ZMYM2: variants seen among roughly 807,000 people sequenced by gnomAD.
The protein encoded by ZMYM2 is zinc finger MYM-type protein 2.
In ZMYM2, 56 loss-of-function variants were observed where a neutral mutation model predicts 162.8. The observed-to-expected ratio is 0.34, with a 90% confidence interval of 0.28 to 0.43. The LOEUF (loss-of-function observed/expected upper bound fraction) is 0.43, where lower values mean the gene tolerates loss of function less well. Ranked by LOEUF, ZMYM2 falls within the 20% of genes least tolerant of loss-of-function variation. The pLI is 1.00. For synonymous variants in ZMYM2, 510 were observed against 541.6 expected, an observed-to-expected ratio of 0.94 and a Z score of 0.81; for missense variants, 1,275 against 1,621.8, an observed-to-expected ratio of 0.79 and a Z score of 3.67.
chr13:19,995,504 T>C (rs750387964), intron 3 of ZMYM2, among the ~76,000 whole-genome samples: 1 of 152,034 alleles, frequency 6.6e-6, no homozygotes, highest in Non-Finnish European at 1.5e-5. Flanking sequence ...TCTGCCTCCC[T>C]AGTAGCTGGA....
At chr13:20,062,689 GATAGTTAT>G (rs1956318783) in intron 17 of ZMYM2, among the ~76,000 whole-genome samples, 149 bp from the exon 18 acceptor site, 1 of 152,136 alleles carries the variant, frequency 6.6e-6, no homozygotes, top group Non-Finnish European at 1.5e-5. Flanking sequence ...TACATTTTGA[GATAGTTAT>G]ATATATAATA....
chr13:20,026,771 C>T lies in ZMYM2; in HGVS notation c.1735+9C>T, dbSNP rs779111064. The T allele has an allele frequency of 1.6e-5, 26 of 1,587,886 alleles. No homozygotes were observed. The African/African-American group carries it at 3.4e-4, about 21-fold the overall frequency. On this transcript the variant is annotated intron_variant, in intron 8 of 24. Coordinates refer to ENST00000610343, the MANE Select transcript of ZMYM2 (RefSeq NM_197968.4). ...ATATGCAAAATCACAAAGTAAGTTT[C>T]ACATATTTGGACAGTTAAAAAAACT...
intron 12 of ZMYM2, among the ~76,000 whole-genome samples, chr13:20,043,980 T>C (rs1954525262): frequency 6.6e-6 from 1 of 152,068 alleles, no homozygotes. Flanking sequence ...GAGGCTGACC[T>C]GAAAGCAGGT....
At chr13:19,877,080 C>T in the ZMYM2 span, among the ~76,000 whole-genome samples, 15 of 152,094 alleles carry the variant, frequency 9.9e-5, no homozygotes, top group African/African-American at 2.2e-4. Flanking sequence ...GGCGCAGTGG[C>T]GGGCGCCTGT....
At chr13:19,925,269 G>A in the ZMYM2 span, among the ~76,000 whole-genome samples, 1 of 152,142 alleles carries the variant, frequency 6.6e-6, no homozygotes, top group Non-Finnish European at 1.5e-5. Flanking sequence ...TAGCTTTTTA[G>A]TAAATTCCCT....
chr13:20,014,952 A>T (rs531674084), intron 6 of ZMYM2, among the ~76,000 whole-genome samples: 1 of 151,954 alleles, frequency 6.6e-6, no homozygotes, highest in African/African-American at 2.4e-5. Context: ...TTTAGTAGAG[A>T]TGGGGTTTCA....
intron 6 of ZMYM2, among the ~76,000 whole-genome samples, chr13:20,015,610 A>G (rs976805458): frequency 6.6e-5 from 10 of 151,950 alleles, no homozygotes; most frequent in African/African-American, 2.4e-4. Flanking sequence ...GTTATTGTCT[A>G]TTTCTCCTTT....
At chr13:20,059,015 G>T in intron 15 of ZMYM2, 2 of 441,726 alleles carry the variant, frequency 4.5e-6, no homozygotes, top group Non-Finnish European at 8.4e-6. Flanking sequence ...TCATCTCTTT[G>T]CATGTGGTTT....
chr13:19,993,268 G>A lies in ZMYM2; in HGVS notation c.196G>A (p.Val66Ile), dbSNP rs1030532851. 1 of 1,613,856 alleles carries A rather than the reference G, an allele frequency of 6.2e-7. No homozygotes were observed. Among genetic ancestry groups the A allele is most frequent in the Non-Finnish European group, 8.5e-7 (1 of 1,179,876 alleles). The change falls in exon 3 of 25, where the codon GTA (valine) becomes ATA (isoleucine). Residue 66 changes from valine (V) to isoleucine (I), a missense_variant. Val to Ile is a conservative substitution (Grantham distance 29). Around this residue, in one of 10 missense-constraint regions of ZMYM2, gnomAD observed 295 missense variants for 286.7 expected, o/e 1.03. Transcript: ENST00000610343. The part of the protein sequence containing the change: ...DDDDVVFIEP[V>I]QPPPPSVPVV... Reference sequence around the variant, plus strand: ...TGATGATGTTGTTTTTATCGAACCTGTACAACCTCCCCCACCTTCTGTACC... The same window carrying A: ...TGATGATGTTGTTTTTATCGAACCTATACAACCTCCCCCACCTTCTGTACC...
chr13:20,003,613 G>T (rs553453348), intron 4 of ZMYM2, among the ~76,000 whole-genome samples: 1 of 150,632 alleles, frequency 6.6e-6, no homozygotes, highest in East Asian at 1.9e-4. Context: ...CTCTTCTACT[G>T]TTTTTTTCTT....
chr13:20,066,903 A>G lies in ZMYM2; in HGVS notation c.3185A>G (p.Asp1062Gly). ...SGYQSHDDSSDNSECSFPFKY... is the reference protein window; with the variant it reads ...SGYQSHDDSSGNSECSFPFKY... Reference sequence around the variant, plus strand: ...TACCAGTCTCATGATGATAGTTCTGACAATTCAGAATGCAGCTTTCCTTTC... The same window carrying G: ...TACCAGTCTCATGATGATAGTTCTGGCAATTCAGAATGCAGCTTTCCTTTC... The change falls in exon 20 of 25, where the codon GAC becomes GGC. Residue 1062 changes from aspartate to glycine, a missense_variant. This residue lies in a region of ZMYM2 where 229 missense variants were observed against 283.8 expected (regional missense o/e 0.81). Transcript: ENST00000610343. The G allele has an allele frequency of 6.2e-7, 1 of 1,613,192 alleles. No individual in the cohort carries two copies. Among genetic ancestry groups the G allele is most frequent in the South Asian group, 1.1e-5 (1 of 90,894 alleles).
chr13:20,056,965 A>G (rs1955844817), intron 14 of ZMYM2, among the ~76,000 whole-genome samples: 1 of 148,762 alleles, frequency 6.7e-6, no homozygotes. Context: ...TGACACTGTC[A>G]ACAAGGCACA....
At chr13:20,079,436 A>G (rs368509221) in intron 21 of ZMYM2, among the ~76,000 whole-genome samples, 8 of 146,396 alleles carry the variant, frequency 5.5e-5, no homozygotes, top group Admixed American at 6.9e-5. Flanking sequence ...TATTCTATCT[A>G]TAAGTTGCTG....
At chr13:19,872,140 CTT>C in the ZMYM2 span, among the ~76,000 whole-genome samples, 27 of 140,564 alleles carry the variant, frequency 1.9e-4, no homozygotes, top group East Asian at 2.1e-4. Context: ...TGGCTAAGTT[CTT>C]TTTTTTTTTT....
chr13:20,002,682 GACATTCT>G (rs1047207042), intron 3 of ZMYM2, among the ~76,000 whole-genome samples, 161 bp from the exon 4 acceptor site: 3 of 152,012 alleles, frequency 2.0e-5, no homozygotes, highest in Non-Finnish European at 4.4e-5. Flanking sequence ...TTGTTACCGT[GACATTCT>G]TACTCCAAAA....
chr13:20,067,189 T>C (rs1274313077), intron 20 of ZMYM2, 50 bp from the exon 21 acceptor site: 2 of 1,479,344 alleles, frequency 1.4e-6, no homozygotes, highest in South Asian at 1.3e-5. Context: ...TTCTTAACCT[T>C]AATAAGACGC....
chr13:19,898,356 C>G, the ZMYM2 span, among the ~76,000 whole-genome samples: 1 of 151,846 alleles, frequency 6.6e-6, no homozygotes, highest in Non-Finnish European at 1.5e-5. Context: ...CCTCAGCCTC[C>G]CGAGTAGCTG....
chr13:20,072,853 TTTC>T lies in ZMYM2; in HGVS notation c.3453+5466_3453+5468del, dbSNP rs1957193025. 2.6e-5 allele frequency among the ~76,000 whole-genome samples: 4 copies of T among 152,272 alleles called. No individual in the cohort carries two copies. The South Asian group carries it at 8.3e-4, about 32-fold the overall frequency. On this transcript the variant is annotated intron_variant, in intron 21 of 24. Transcript: ENST00000610343. ...TTTGTTAGCCTAAGTTTGGTAATAT[TTTC>T]TTATTATCCTTTCATTCCTGATACT...
intron 12 of ZMYM2, among the ~76,000 whole-genome samples, chr13:20,038,087 C>T (rs889724514): frequency 6.6e-6 from 1 of 152,168 alleles, no homozygotes; most frequent in Non-Finnish European, 1.5e-5. Context: ...AGGATAATGG[C>T]CTCCAGTCCT....
Sources: allele counts gnomAD v4.1 joint callset (sites outside exome capture counted in the v4.1 genomes callset), GRCh38; gene constraint gnomAD v4.1.1; regional missense constraint gnomAD v4.1.1; transcripts MANE v1.5; gene names NCBI Gene and HGNC (gene_info 2026-07-23, HGNC 2026-07-21).